Variants in NDST4 observed in about 807,000 individuals in gnomAD.
The protein encoded by NDST4 is N-heparan sulfate sulfotransferase 4.
A neutral mutation model predicts 100.8 loss-of-function variants in NDST4; 63 were observed. The ratio of observed to expected loss-of-function variants is 0.62; its 90% CI spans 0.51 to 0.77. The LOEUF is 0.77. Among genes scored for constraint, NDST4 ranks in the 30% least tolerant of loss-of-function variants. The pLI, the probability that NDST4 is intolerant of heterozygous loss-of-function variation, is 0.00. For missense variants in NDST4, 943 were observed against 1,018.4 expected (o/e 0.93, Z 1.01); for synonymous variants, 377 against 361.8 (o/e 1.04, Z -0.48).
chr4:114,940,840 T>TGCCCTCTG (rs1725734022), intron 4 of NDST4, among the ~76,000 whole-genome samples: 1 of 152,208 alleles, frequency 6.6e-6, no homozygotes, highest in Non-Finnish European at 1.5e-5. Flanking sequence ...GTCAAGCTGC[T>TGCCCTCTG]ACCCTCTGGC....
intron 6 of NDST4, among the ~76,000 whole-genome samples, chr4:114,924,269 T>A (rs930502655): frequency 6.6e-6 from 1 of 152,200 alleles, no homozygotes; most frequent in South Asian, 2.1e-4. Flanking sequence ...CTAACTCTGA[T>A]CCTGATTTTC....
At chr4:114,842,727 G>A (rs1723455473) in intron 10 of NDST4, 2 of 187,204 alleles carry the variant, frequency 1.1e-5, no homozygotes, top group Non-Finnish European at 2.2e-5. Context: ...CATGAACCTG[G>A]GAGGTGAAGG....
intron 7 of NDST4, among the ~76,000 whole-genome samples, chr4:114,858,314 G>A (rs941839455): frequency 6.6e-6 from 1 of 152,158 alleles, no homozygotes. Flanking sequence ...TGCCCACGTA[G>A]CCCTGGCTAT....
chr4:115,106,685 T>C (rs1214033986), intron 1 of NDST4, among the ~76,000 whole-genome samples: 1 of 152,166 alleles, frequency 6.6e-6, no homozygotes, highest in Non-Finnish European at 1.5e-5. Context: ...CTTTTCATTT[T>C]CAGTTAGTTG....
At chr4:114,845,336 T>G (rs571239597) in intron 10 of NDST4, among the ~76,000 whole-genome samples, 5 of 152,112 alleles carry the variant, frequency 3.3e-5, no homozygotes, top group Non-Finnish European at 5.9e-5. Flanking sequence ...GGTCTCCAAT[T>G]GGGTTGATTA....
intron 2 of NDST4, among the ~76,000 whole-genome samples, chr4:115,031,961 G>A (rs1728125812): frequency 1.3e-5 from 2 of 152,014 alleles, no homozygotes; most frequent in African/African-American, 4.8e-5. Flanking sequence ...CTGAAGACCA[G>A]GGCATCAGAA....
intron 2 of NDST4, among the ~76,000 whole-genome samples, chr4:115,056,486 T>C (rs565906956): frequency 1.1e-4 from 17 of 152,300 alleles, no homozygotes; most frequent in Admixed American, 1.0e-3. Context: ...TTATTTTCCA[T>C]TTAATTTAAG....
chr4:114,950,590 C>A (rs1040636235), intron 4 of NDST4, among the ~76,000 whole-genome samples: 1 of 152,050 alleles, frequency 6.6e-6, no homozygotes, highest in African/African-American at 2.4e-5. Context: ...TAACAGACTG[C>A]AGGCTAAATC....
rs1217817766 is a variant in NDST4, at chr4:115,077,013, C to T, written c.24G>A (p.Arg8=). MNLIVKL[R]RSFRTLIVLL... is the part of the protein sequence containing the mutation. ...GAACAATCAATGTTCGAAAACTTCT[C>T]CGAAGTTTCACAATAAGATTCATTT... Residue 8 remains arginine (R), a synonymous_variant, in exon 2 of 14, where the codon CGG becomes CGA. Coordinates refer to ENST00000264363, the MANE Select transcript of NDST4 (RefSeq NM_022569.3). 2 of 1,600,608 alleles carry T rather than the reference C, an allele frequency of 1.2e-6. No individual in the cohort carries two copies. The highest frequency in any genetic ancestry group is 1.8e-5 in the Admixed American group (1 of 56,608).
intron 1 of NDST4, among the ~76,000 whole-genome samples, chr4:115,085,857 C>T (rs751277346): frequency 1.3e-5 from 2 of 152,134 alleles, no homozygotes; most frequent in Non-Finnish European, 2.9e-5. Context: ...AGGTCACCAA[C>T]AAGTAAGTGA....
At chr4:114,979,915 G>A (rs1384009598) in intron 2 of NDST4, among the ~76,000 whole-genome samples, 1 of 152,038 alleles carries the variant, frequency 6.6e-6, no homozygotes, top group Non-Finnish European at 1.5e-5. Flanking sequence ...ATGTTCTTTA[G>A]TTTTCAAACT....
chr4:115,056,356 G>A (rs139908406), intron 2 of NDST4, among the ~76,000 whole-genome samples: 1 of 152,078 alleles, frequency 6.6e-6, no homozygotes, highest in Non-Finnish European at 1.5e-5. Context: ...AACATTTATA[G>A]TATTAGCTTA....
chr4:115,045,698 T>C (rs918338648), intron 2 of NDST4, among the ~76,000 whole-genome samples: 1 of 152,184 alleles, frequency 6.6e-6, no homozygotes, highest in Non-Finnish European at 1.5e-5. Context: ...GCACCTAACA[T>C]GGGTTTGCCT....
At chr4:115,086,295 C>G (rs1729409093) in intron 1 of NDST4, among the ~76,000 whole-genome samples, 1 of 151,942 alleles carries the variant, frequency 6.6e-6, no homozygotes, top group Non-Finnish European at 1.5e-5. Flanking sequence ...CTACATAAAT[C>G]ATAAATTTTT....
chr4:114,914,073 G>A (rs1725118888), intron 6 of NDST4, among the ~76,000 whole-genome samples: 1 of 151,988 alleles, frequency 6.6e-6, no homozygotes. Flanking sequence ...AGTGAAATAA[G>A]CTAGGCACAG....
chr4:115,004,199 T>A (rs1296330944), intron 2 of NDST4, among the ~76,000 whole-genome samples: 1 of 152,166 alleles, frequency 6.6e-6, no homozygotes, highest in African/African-American at 2.4e-5. Flanking sequence ...CAGCTGAAAA[T>A]CATTTGTACC....
chr4:114,885,426 T>C (rs193163318), intron 6 of NDST4, among the ~76,000 whole-genome samples: 9 of 152,254 alleles, frequency 5.9e-5, no homozygotes, highest in East Asian at 1.9e-4. Context: ...TAACAAAGAA[T>C]TGCTGAAACC....
intron 2 of NDST4, among the ~76,000 whole-genome samples, chr4:115,036,702 G>C (rs924483159): frequency 5.9e-5 from 9 of 151,784 alleles, no homozygotes; most frequent in Non-Finnish European, 1.0e-4. Flanking sequence ...TTATCATAAA[G>C]GCATACTTTA....
chr4:114,871,024 A>T (rs1042035959), intron 6 of NDST4, 74 bp from the exon 7 acceptor site: 1 of 1,061,174 alleles, frequency 9.4e-7, no homozygotes, highest in Non-Finnish European at 1.3e-6. Context: ...AGCCCCAGGC[A>T]GCACCTCACC....
Sources: gnomAD v4.1 joint callset for allele counts (sites outside exome capture counted in the v4.1 genomes callset) on GRCh38, gnomAD v4.1.1 for gene constraint, MANE v1.5 for transcripts, NCBI Gene and HGNC (gene_info 2026-07-23, HGNC 2026-07-21) for gene names.